Variants in DNAJC5 observed in about 807,000 individuals in gnomAD.
DNAJC5 encodes dnaJ homolog subfamily C member 5.
A neutral mutation model predicts 23.2 loss-of-function variants in DNAJC5; 1 was observed. The ratio of observed to expected loss-of-function variants is 0.04; its 90% CI spans 0.02 to 0.20. The LOEUF (loss-of-function observed/expected upper bound fraction) is 0.20, where lower values mean the gene tolerates loss of function less well. DNAJC5 is among the 10% of genes least tolerant of loss of function. DNAJC5 has a pLI of 1.00. For synonymous variants in DNAJC5, 136 were observed against 120.0 expected (o/e 1.13, Z -0.87); for missense variants, 180 against 267.0 (o/e 0.67, Z 2.27).
intron 1 of DNAJC5, among the ~76,000 whole-genome samples, chr20:63,905,544 A>G (rs1600862270): frequency 1.4e-5 from 2 of 147,850 alleles, no homozygotes; most frequent in South Asian, 4.3e-4. Flanking sequence ...GGTGTGAGCC[A>G]CCACACATGA....
At chr20:63,927,352 A>G (rs1030874910) in intron 1 of DNAJC5, among the ~76,000 whole-genome samples, 2 of 152,232 alleles carry the variant, frequency 1.3e-5, no homozygotes, top group Non-Finnish European at 2.9e-5. Flanking sequence ...CCTGGCCAAC[A>G]TGGAGAAACC....
chr20:63,928,872 C>A lies in DNAJC5; in HGVS notation c.107+420C>A, dbSNP rs2053637903. On this transcript the variant is annotated intron_variant, in intron 2 of 4. Transcript: ENST00000360864. This position sits in a 1 kb window ranked among gnomAD's most constrained non-coding sequence, Gnocchi z 4.6. ...CTTGGGTACAGTTTCATTGAGTAACCTGTAAGAGACACCATCACTAATCCA... is the reference window on the plus strand; with the variant it reads ...CTTGGGTACAGTTTCATTGAGTAACATGTAAGAGACACCATCACTAATCCA... Among the ~76,000 whole-genome samples the A allele has an allele frequency of 6.6e-6, 1 of 152,188 alleles. No homozygotes were observed. The highest frequency in any genetic ancestry group is 2.4e-5 in the African/African-American group (1 of 41,452).
chr20:63,919,651 C>T (rs111549668), intron 1 of DNAJC5: 9 of 314,188 alleles, frequency 2.9e-5, no homozygotes, highest in Middle Eastern at 9.3e-4. Context: ...GACAGCGCCA[C>T]GGAAGAGGAC....
chr20:63,909,736 T>G (rs1488475036), intron 1 of DNAJC5, among the ~76,000 whole-genome samples: 6 of 152,218 alleles, frequency 3.9e-5, no homozygotes, highest in Non-Finnish European at 8.8e-5. Flanking sequence ...TTCTACTGAA[T>G]CGATTGCTGG....
Position 63,920,118 on chromosome 20 carries a change from C to T in DNAJC5, c.-11-8217C>T, listed in dbSNP as rs1270236541. Among the ~76,000 whole-genome samples, 1 of 131,736 alleles carries T rather than the reference C, an allele frequency of 7.6e-6. No homozygotes were observed. The highest frequency in any genetic ancestry group is 1.6e-5 in the Non-Finnish European group (1 of 61,974). The allele number at this position is 131,736 out of a possible 152,430, so 86.4% of individuals were successfully genotyped here. A position where few individuals can be genotyped will look rare whatever the true frequency, so the allele number is the denominator to read the frequency against. ...GTGGACATGTGCCCAGGGCCCGGGACAGCGCCACGGAAGAGGACGCACAGG... is the reference window on the plus strand; with the variant it reads ...GTGGACATGTGCCCAGGGCCCGGGATAGCGCCACGGAAGAGGACGCACAGG... On this transcript the variant is annotated intron_variant, in intron 1 of 4. Coordinates refer to ENST00000360864, the MANE Select transcript of DNAJC5 (RefSeq NM_025219.3). The surrounding 1 kb of genome is among the most constrained non-coding windows in gnomAD (Gnocchi z 4.6).
Position 63,934,047 on chromosome 20 carries a change from C to CA in DNAJC5, c.*2480dup, listed in dbSNP as rs1307607349. ...AATAAATCATGGTTGTGGCCATTCT[C>CA]ACGGTGGTGATTGTGATTAGACGAC... On this transcript the variant is annotated 3_prime_UTR_variant, in exon 5 of 5. Transcript: ENST00000360864. 1.3e-5 allele frequency: 2 copies of CA among 152,332 alleles called. No homozygotes were observed. Among genetic ancestry groups the CA allele is most frequent in the Middle Eastern group, 3.2e-3 (1 of 316 alleles). 9.4% of individuals were successfully genotyped at this position (152,332 alleles called of 1,614,324 possible).
rs2053673763 is a variant in DNAJC5 at position 63,931,724 on chromosome 20, T to C, written c.*156T>C. ...TCCACGCCCACCCAGCGTCGACCCT[T>C]GACCCACGAAGTGCGTAGCATGCAG... On this transcript the variant is annotated 3_prime_UTR_variant, in exon 5 of 5. Coordinates refer to ENST00000360864, the MANE Select transcript of DNAJC5 (RefSeq NM_025219.3). The surrounding 1 kb of genome is among the most constrained non-coding windows in gnomAD (Gnocchi z 9.6). 1.4e-6 allele frequency: 1 copy of C among 730,588 alleles called. No homozygotes were observed. Among genetic ancestry groups the C allele is most frequent in the South Asian group, 1.5e-5 (1 of 66,922 alleles). The allele number at this position is 730,588 out of a possible 1,614,324, so 45.3% of individuals were successfully genotyped here.
chr20:63,895,554 C>T (rs1247171148), intron 1 of DNAJC5, among the ~76,000 whole-genome samples: 7 of 149,896 alleles, frequency 4.7e-5, no homozygotes, highest in Non-Finnish European at 1.0e-4. Context: ...CGGGCCGGGC[C>T]GGGCCGGGGG....
intron 1 of DNAJC5, among the ~76,000 whole-genome samples, chr20:63,901,830 G>A (rs1292592470): frequency 2.0e-5 from 3 of 152,182 alleles, no homozygotes; most frequent in Admixed American, 2.0e-4. Context: ...AGGAAATTCT[G>A]GGTCCAGGAG....
At chr20:63,907,072 T>C (rs777005544) in intron 1 of DNAJC5, among the ~76,000 whole-genome samples, 6 of 152,104 alleles carry the variant, frequency 3.9e-5, no homozygotes, top group Admixed American at 6.6e-5. Context: ...CTGGGTGATA[T>C]AGTGAGACTC....
chr20:63,900,576 C>CAA (rs752326573), intron 1 of DNAJC5, among the ~76,000 whole-genome samples: 24,793 of 64,702 alleles, frequency 0.38, 4,830 homozygotes, highest in East Asian at 0.77. Context: ...GACACTGTCT[C>CAA]AAAAAAAAAA....
At chr20:63,916,989 T>C (rs139316263) in intron 1 of DNAJC5, among the ~76,000 whole-genome samples, 38 of 152,340 alleles carry the variant, frequency 2.5e-4, no homozygotes, top group African/African-American at 8.9e-4. Flanking sequence ...ACTGATTTCA[T>C]ATTGTTCAAA....
At chr20:63,909,757 T>TTTC (rs2053470882) in intron 1 of DNAJC5, among the ~76,000 whole-genome samples, 1 of 152,226 alleles carries the variant, frequency 6.6e-6, no homozygotes, top group Non-Finnish European at 1.5e-5. Context: ...TTTTATGCCT[T>TTTC]TTCTTCCGTG....
At chr20:63,905,323 C>G (rs983808357) in intron 1 of DNAJC5, among the ~76,000 whole-genome samples, 1 of 152,046 alleles carries the variant, frequency 6.6e-6, no homozygotes, top group African/African-American at 2.4e-5. Context: ...ACCATGTTGG[C>G]CAGGCCGATC....
intron 1 of DNAJC5, among the ~76,000 whole-genome samples, chr20:63,902,117 C>T (rs1359492716): frequency 3.3e-5 from 5 of 151,800 alleles, no homozygotes; most frequent in East Asian, 3.9e-4. Flanking sequence ...TGCAGTGACG[C>T]GATCTCGGCT....
At position 63,929,456 on chromosome 20, in the gene DNAJC5, C is replaced by T; in HGVS notation, c.252C>T (p.Leu84=). The part of the protein sequence containing the change: ...NIYDKYGSLG[L]YVAEQFGEEN... The stretch of plus-strand genomic sequence containing the variant: ...ACGACAAGTACGGCTCGCTGGGTCT[C>T]TACGTGGCCGAGCAGTTTGGGGAAG... Residue 84 remains leucine (L), a synonymous_variant, in exon 3 of 5, where the codon CTC becomes CTT. Transcript: ENST00000360864. The surrounding 1 kb of genome is among the most constrained non-coding windows in gnomAD (Gnocchi z 8.6). 3.1e-6 allele frequency: 5 copies of T among 1,614,202 alleles called. No individual in the cohort carries two copies. The highest frequency in any genetic ancestry group is 4.2e-6 in the Non-Finnish European group (5 of 1,180,046).
chr20:63,904,960 C>T (rs2053437834), intron 1 of DNAJC5, among the ~76,000 whole-genome samples: 4 of 150,260 alleles, frequency 2.7e-5, no homozygotes, highest in Admixed American at 1.3e-4. Flanking sequence ...CCCGCCACCA[C>T]GCCCGGCTAA....
rs140462409 is a variant in DNAJC5, at chr20:63,909,485, A to T, written c.-12+14162A>T. ...GCCACTGCACTGCAGCCTGGGCGAC[A>T]GAGCGAGATTCCGTCTCAAAAACAA... On this transcript the variant is annotated intron_variant, in intron 1 of 4. Coordinates refer to ENST00000360864, the MANE Select transcript of DNAJC5 (RefSeq NM_025219.3). 5.1e-4 allele frequency among the ~76,000 whole-genome samples: 78 copies of T among 152,246 alleles called. No homozygotes were observed. In the East Asian group the frequency reaches 0.014, roughly 27 times the overall value.
At chr20:63,914,709 T>G (rs6011222) in intron 1 of DNAJC5, among the ~76,000 whole-genome samples, 51,495 of 149,774 alleles carry the variant, frequency 0.34, 10,525 homozygotes, top group East Asian at 0.81. Context: ...TCCACCTCCC[T>G]AGTTCAAACG....
Sources: allele counts gnomAD v4.1 joint callset (sites outside exome capture counted in the v4.1 genomes callset), GRCh38; gene constraint gnomAD v4.1.1; non-coding constraint Gnocchi (gnomAD v3.1); transcripts MANE v1.5; gene names NCBI Gene and HGNC (gene_info 2026-07-23, HGNC 2026-07-21).